Variants in TWIST2 observed in about 807,000 individuals in gnomAD.
The protein encoded by TWIST2 is twist-related protein 2.
Under a neutral mutation model 11.6 loss-of-function variants are expected in TWIST2, and 1 was observed. The ratio of observed to expected loss-of-function variants is 0.09; its 90% CI spans 0.03 to 0.41. The LOEUF (loss-of-function observed/expected upper bound fraction) is 0.41, where lower values mean the gene tolerates loss of function less well. Ranked by LOEUF, TWIST2 falls within the 10% of genes least tolerant of loss-of-function variation. The probability of loss-of-function intolerance (pLI) is 0.98; values close to 1 mark genes in which losing one functional copy is unlikely to be tolerated. For synonymous variants in TWIST2, 87 were observed against 96.6 expected (o/e 0.90, Z 0.58); for missense variants, 168 against 226.4 (o/e 0.74, Z 1.66).
chr2:238,882,906 T>C (rs76405838), intron 1 of TWIST2, among the ~76,000 whole-genome samples: 17,741 of 152,098 alleles, frequency 0.12, 1,205 homozygotes, highest in Non-Finnish European at 0.15. Context: ...ATGACCGTGG[T>C]CCAGGTGTGC....
rs140527870 is a variant in TWIST2, at chr2:238,882,901, C to T, written c.*36-26941C>T. The stretch of plus-strand genomic sequence containing the variant: ...CAGTCAGAGCTGAGGGGCAGATGAC[C>T]GTGGTCCAGGTGTGCCCCCTGGATG... On this transcript the variant is annotated intron_variant, in intron 1 of 1. Coordinates refer to ENST00000612363, the MANE Select transcript of TWIST2 (RefSeq NM_001271893.4). Among the ~76,000 whole-genome samples, 469 of 152,158 alleles carry T rather than the reference C, an allele frequency of 3.1e-3. 4 individuals are homozygous for T. The highest frequency in any genetic ancestry group is 0.01 in the African/African-American group (422 of 41,522).
chr2:238,859,029 T>G (rs1270766185), intron 1 of TWIST2, among the ~76,000 whole-genome samples: 1 of 152,022 alleles, frequency 6.6e-6, no homozygotes, highest in African/African-American at 2.4e-5. Flanking sequence ...CTGGCCAACA[T>G]GGTGAAACCT....
At chr2:238,897,400 C>T (rs1208600420) in intron 1 of TWIST2, among the ~76,000 whole-genome samples, 3 of 152,154 alleles carry the variant, frequency 2.0e-5, no homozygotes, top group Non-Finnish European at 4.4e-5. Flanking sequence ...CCCCCAAGGA[C>T]ACCTGCCTTT....
chr2:238,902,811 T>C (rs1375634790), intron 1 of TWIST2, among the ~76,000 whole-genome samples: 2 of 138,168 alleles, frequency 1.4e-5, no homozygotes, highest in Non-Finnish European at 3.1e-5. Context: ...GTGAGGTGTG[T>C]GTGATGTGTG....
chr2:238,882,192 G>GGGGGGCTT (rs1307551280), intron 1 of TWIST2, among the ~76,000 whole-genome samples: 1 of 152,044 alleles, frequency 6.6e-6, no homozygotes, highest in Non-Finnish European at 1.5e-5. Flanking sequence ...TCTTTTCCCT[G>GGGGGGCTT]GGGGGCTCTT....
intron 1 of TWIST2, among the ~76,000 whole-genome samples, chr2:238,900,249 C>T (rs994448113): frequency 1.3e-5 from 2 of 152,100 alleles, no homozygotes; most frequent in Admixed American, 6.5e-5. Context: ...TTCACGAATC[C>T]GACTGCCTGG....
intron 1 of TWIST2, among the ~76,000 whole-genome samples, chr2:238,862,456 G>T (rs188496446): frequency 3.3e-5 from 5 of 152,170 alleles, no homozygotes; most frequent in Non-Finnish European, 5.9e-5. Context: ...CAATAAACGC[G>T]TGAAGTGTTG....
chr2:238,905,542 G>A (rs1693329647), intron 1 of TWIST2, among the ~76,000 whole-genome samples: 1 of 152,138 alleles, frequency 6.6e-6, no homozygotes, highest in Non-Finnish European at 1.5e-5. Context: ...GGGTCCCCTC[G>A]GGCACGTGAA....
chr2:238,877,803 A>G (rs919085119), intron 1 of TWIST2, among the ~76,000 whole-genome samples: 2 of 152,202 alleles, frequency 1.3e-5, no homozygotes, highest in Non-Finnish European at 2.9e-5. Flanking sequence ...CAATAAAATT[A>G]TTTTCAGGTG....
At chr2:238,884,016 T>C (rs908689917) in intron 1 of TWIST2, among the ~76,000 whole-genome samples, 6 of 152,124 alleles carry the variant, frequency 3.9e-5, no homozygotes, top group Non-Finnish European at 8.8e-5. Flanking sequence ...TCCCCTAGGG[T>C]TAATCCAAAT....
At chr2:238,875,767 CCT>C (rs1483346913) in intron 1 of TWIST2, among the ~76,000 whole-genome samples, 21 of 152,200 alleles carry the variant, frequency 1.4e-4, no homozygotes, top group African/African-American at 4.6e-4. Flanking sequence ...GCATTTCTCC[CCT>C]GTCCCCAAGT....
rs976339178 is a variant in TWIST2, at chr2:238,900,291, T to C, written c.*36-9551T>C. ...TCTGGCTCCTGCTGTCCTTATTCAT[T>C]GTGTGACTGGGCAGACAGAAGCTTG... On this transcript the variant is annotated intron_variant, in intron 1 of 1. Coordinates refer to ENST00000612363, the MANE Select transcript of TWIST2 (RefSeq NM_001271893.4). Among the ~76,000 whole-genome samples, 79 of 152,282 alleles carry C rather than the reference T, an allele frequency of 5.2e-4. No individual in the cohort carries two copies. The East Asian group carries it at 0.014, about 28-fold the overall frequency.
Position 238,848,177 on chromosome 2 carries a change from C to T in TWIST2, c.-39C>T. The T allele has an allele frequency of 1.6e-6, 2 of 1,212,592 alleles. No individual in the cohort carries two copies. Among genetic ancestry groups the T allele is most frequent in the Non-Finnish European group, 2.0e-6 (2 of 976,468 alleles). The allele number at this position is 1,212,592 out of a possible 1,614,324, so 75.1% of individuals were successfully genotyped here. A position where few individuals can be genotyped will look rare whatever the true frequency, so the allele number is the denominator to read the frequency against. On this transcript the variant is annotated 5_prime_UTR_variant, in exon 1 of 2. Coordinates refer to ENST00000612363, the MANE Select transcript of TWIST2 (RefSeq NM_001271893.4). ...CTTGGCCAGCGGCGCGCGCTCGGCG[C>T]CCCGGCGCCCCCAGCCCCACGCGCG...
intron 1 of TWIST2, among the ~76,000 whole-genome samples, chr2:238,865,928 G>A (rs143930632): frequency 0.026 from 3,928 of 152,236 alleles, 191 homozygotes; most frequent in African/African-American, 0.088. Context: ...CGCCGGGGTC[G>A]GATCGGCCCT....
chr2:238,904,282 AGT>A (rs1306687339), intron 1 of TWIST2, among the ~76,000 whole-genome samples: 13 of 110,604 alleles, frequency 1.2e-4, no homozygotes, highest in East Asian at 6.3e-4. Flanking sequence ...TGTTTGATGT[AGT>A]GTGTGTGTGA....
Position 238,866,795 on chromosome 2 carries a change from T to C in TWIST2, c.*35+18062T>C, listed in dbSNP as rs1472539092. ...GGAGCCTCTAACCACCCTGCTGGCA[T>C]TTGTGGTGACTCCTGAGGCCTCGTA... On this transcript the variant is annotated intron_variant, in intron 1 of 1. Coordinates refer to ENST00000612363, the MANE Select transcript of TWIST2 (RefSeq NM_001271893.4). The surrounding 1 kb of genome is among the most constrained non-coding windows in gnomAD (Gnocchi z 4.9). 3.3e-5 allele frequency among the ~76,000 whole-genome samples: 5 copies of C among 152,174 alleles called. No homozygotes were observed. Among genetic ancestry groups the C allele is most frequent in the Non-Finnish European group, 7.4e-5 (5 of 68,026 alleles).
rs1416360808 is a variant in TWIST2, at chr2:238,864,051, G to GCC, written c.*35+15319_*35+15320dup. Among the ~76,000 whole-genome samples, 10 of 152,290 alleles carry GCC rather than the reference G, an allele frequency of 6.6e-5. No homozygotes were observed. The highest frequency in any genetic ancestry group is 3.4e-3 in the Middle Eastern group (1 of 294). ...TTCGCCATAATCTAATTTTCGTTAA[G>GCC]CCTGTCTTCCTTTACACCCTGGGCT... On this transcript the variant is annotated intron_variant, in intron 1 of 1. Coordinates refer to ENST00000612363, the MANE Select transcript of TWIST2 (RefSeq NM_001271893.4). The surrounding 1 kb of genome is among the most constrained non-coding windows in gnomAD (Gnocchi z 4.7).
At chr2:238,898,886 A>T (rs1693237465) in intron 1 of TWIST2, among the ~76,000 whole-genome samples, 1 of 152,212 alleles carries the variant, frequency 6.6e-6, no homozygotes. Context: ...GTTATTTGGA[A>T]GCCTGTAGTC....
At position 238,864,193 on chromosome 2, in the gene TWIST2, G is replaced by A. The variant is rs979743931; in HGVS notation, c.*35+15460G>A. The stretch of plus-strand genomic sequence containing the variant: ...TCCATCAGCATGGGGGGAAGGGGCT[G>A]GAGGTGAGGGGGGACCTCTCGGGCT... On this transcript the variant is annotated intron_variant, in intron 1 of 1. Coordinates refer to ENST00000612363, the MANE Select transcript of TWIST2 (RefSeq NM_001271893.4). This position sits in a 1 kb window ranked among gnomAD's most constrained non-coding sequence, Gnocchi z 4.7. 6.6e-5 allele frequency among the ~76,000 whole-genome samples: 10 copies of A among 152,100 alleles called. No homozygotes were observed. The highest frequency in any genetic ancestry group is 1.3e-4 in the Non-Finnish European group (9 of 68,018).
Sources: gnomAD v4.1 joint callset for allele counts (sites outside exome capture counted in the v4.1 genomes callset) on GRCh38, gnomAD v4.1.1 for gene constraint, Gnocchi (gnomAD v3.1) non-coding constraint, MANE v1.5 for transcripts, NCBI Gene and HGNC (gene_info 2026-07-23, HGNC 2026-07-21) for gene names.